AMOTL1: variants seen among roughly 807,000 people sequenced by gnomAD.
AMOTL1 encodes angiomotin like 1.
Under a neutral mutation model 102.9 loss-of-function variants are expected in AMOTL1, and 45 were observed. The ratio of observed to expected loss-of-function variants is 0.44; its 90% CI spans 0.34 to 0.56. The LOEUF (loss-of-function observed/expected upper bound fraction) is 0.56. AMOTL1 is among the 20% of genes least tolerant of loss of function. The pLI is 0.01. For missense variants in AMOTL1, 1,114 were observed against 1,225.6 expected (o/e 0.91, Z 1.36); for synonymous variants, 481 against 484.7 (o/e 0.99, Z 0.10).
intron 1 of AMOTL1, among the ~76,000 whole-genome samples, chr11:94,791,855 A>C (rs935375087): frequency 6.6e-6 from 1 of 152,216 alleles, no homozygotes; most frequent in Non-Finnish European, 1.5e-5. Flanking sequence ...CATTTTGCCT[A>C]AGAAAGTAGA....
intron 7 of AMOTL1, among the ~76,000 whole-genome samples, chr11:94,853,262 C>T (rs545691429): frequency 6.6e-6 from 1 of 152,294 alleles, no homozygotes; most frequent in African/African-American, 2.4e-5. Flanking sequence ...TTAAGCCCCA[C>T]ATGTATTAGC....
intron 2 of AMOTL1, chr11:94,796,890 A>G (rs1951377261): frequency 1.7e-6 from 1 of 585,548 alleles, no homozygotes; most frequent in Non-Finnish European, 2.2e-6. Flanking sequence ...ATATAGATGT[A>G]TTAATATACA....
chr11:94,807,110 C>A (rs1303499800), intron 3 of AMOTL1, among the ~76,000 whole-genome samples: 1 of 152,128 alleles, frequency 6.6e-6, no homozygotes, highest in African/African-American at 2.4e-5. Flanking sequence ...AAAACATATT[C>A]ATTGCACAAA....
chr11:94,828,401 C>T (rs1275487253), intron 4 of AMOTL1, among the ~76,000 whole-genome samples: 1 of 152,142 alleles, frequency 6.6e-6, no homozygotes, highest in Non-Finnish European at 1.5e-5. Flanking sequence ...TAAACCCCCA[C>T]CCTCCAACCC....
At chr11:94,810,672 G>C (rs532994731) in intron 3 of AMOTL1, among the ~76,000 whole-genome samples, 1 of 151,854 alleles carries the variant, frequency 6.6e-6, no homozygotes, top group Non-Finnish European at 1.5e-5. Context: ...AGGAATCCTG[G>C]GCTATTAGAA....
chr11:94,744,772 AGAT>A (rs1950570653), intron 3 of AMOTL1, among the ~76,000 whole-genome samples: 1 of 152,216 alleles, frequency 6.6e-6, no homozygotes, highest in Non-Finnish European at 1.5e-5. Flanking sequence ...AGAGAGCAAA[AGAT>A]GAAATTTTTC....
At chr11:94,824,256 T>G (rs1592003706) in intron 4 of AMOTL1, among the ~76,000 whole-genome samples, 1 of 152,166 alleles carries the variant, frequency 6.6e-6, no homozygotes, top group East Asian at 1.9e-4. Context: ...AGTCCTCACT[T>G]AATATCATCA....
intron 3 of AMOTL1, among the ~76,000 whole-genome samples, chr11:94,761,550 C>G (rs1385585102): frequency 6.6e-6 from 1 of 152,152 alleles, no homozygotes; most frequent in Non-Finnish European, 1.5e-5. Context: ...TTATTCCTCT[C>G]TCTCTCCCAA....
At chr11:94,760,256 C>T (rs1458057656) in intron 3 of AMOTL1, among the ~76,000 whole-genome samples, 1 of 152,184 alleles carries the variant, frequency 6.6e-6, no homozygotes, top group Non-Finnish European at 1.5e-5. Flanking sequence ...TGTTGTTTAT[C>T]CCAAACTGGC....
intron 3 of AMOTL1, among the ~76,000 whole-genome samples, chr11:94,749,131 GAAGCCATGGT>G (rs1950621832): frequency 6.6e-6 from 1 of 152,216 alleles, no homozygotes; most frequent in South Asian, 2.1e-4. Context: ...GGGAACCATG[GAAGCCATGGT>G]GAGCCTCAGT....
chr11:94,713,450 T>A (rs1950049429), intron 1 of AMOTL1, among the ~76,000 whole-genome samples: 2 of 151,910 alleles, frequency 1.3e-5, no homozygotes, highest in African/African-American at 4.8e-5. Flanking sequence ...CTGTTAGACA[T>A]GTAGTTTAAT....
At chr11:94,847,860 T>C (rs1250003528) in intron 6 of AMOTL1, among the ~76,000 whole-genome samples, 3 of 152,288 alleles carry the variant, frequency 2.0e-5, no homozygotes, top group African/African-American at 7.2e-5. Context: ...TTGCAGAACA[T>C]GAGAAGCTTT....
At chr11:94,812,618 G>T (rs948645980) in intron 3 of AMOTL1, among the ~76,000 whole-genome samples, 1 of 151,906 alleles carries the variant, frequency 6.6e-6, no homozygotes, top group South Asian at 2.1e-4. Flanking sequence ...ATAGTTTTTT[G>T]TTTTGTTTTG....
intron 3 of AMOTL1, among the ~76,000 whole-genome samples, chr11:94,750,101 T>G (rs1405568474): frequency 6.6e-6 from 1 of 152,188 alleles, no homozygotes; most frequent in Non-Finnish European, 1.5e-5. Flanking sequence ...CCCACAGTGG[T>G]ACCCCCAAAT....
intron 7 of AMOTL1, among the ~76,000 whole-genome samples, chr11:94,851,927 T>C (rs1952548133): frequency 6.6e-6 from 1 of 152,244 alleles, no homozygotes. Context: ...TATTTATTCA[T>C]TTAACAAATA....
rs73525856 is a variant in AMOTL1, at chr11:94,712,769, C to T, written c.-51+6172C>T. Among the ~76,000 whole-genome samples, 884 of 151,984 alleles carry T rather than the reference C, an allele frequency of 5.8e-3. 6 individuals are homozygous for T. The highest frequency in any genetic ancestry group is 0.02 in the African/African-American group (821 of 41,534). ...TAGATGTATGGTTTGCAGATATTCT[C>T]TCCCACTCTGTAATTTTTTATTCTA... On this transcript the variant is annotated intron_variant, in intron 1 of 4. Coordinates refer to the AMOTL1 transcript ENST00000299004.
intron 1 of AMOTL1, among the ~76,000 whole-genome samples, chr11:94,771,268 G>GA (rs140764771): frequency 5.1e-5 from 7 of 138,580 alleles, no homozygotes; most frequent in Non-Finnish European, 1.1e-4. Flanking sequence ...TTGGGGGGGG[G>GA]GTGCGGTGTG....
intron 3 of AMOTL1, chr11:94,741,138 G>T (rs1242644753): frequency 3.6e-6 from 2 of 554,516 alleles, no homozygotes; most frequent in Non-Finnish European, 6.0e-6. Context: ...TGCCTTCGCG[G>T]CCGGAACCGG....
In AMOTL1 at chr11:94,873,425, C is replaced by T. The variant is rs1421178235; in HGVS notation, c.*2630C>T. The stretch of plus-strand genomic sequence containing the variant: ...AGTCCGGCCATATACTGAGTACCTG[C>T]TCTGAGTTCTGGGCAGCTTACAATA... On this transcript the variant is annotated 3_prime_UTR_variant, in exon 13 of 13. Coordinates refer to ENST00000433060, the MANE Select transcript of AMOTL1 (RefSeq NM_130847.3). The T allele has an allele frequency of 2.6e-5, 4 of 152,232 alleles. No individual in the cohort carries two copies. Among genetic ancestry groups the T allele is most frequent in the Non-Finnish European group, 5.9e-5 (4 of 68,048 alleles). 9.4% of individuals were successfully genotyped at this position (152,232 alleles called of 1,614,324 possible). A position where few individuals can be genotyped will look rare whatever the true frequency, so the allele number is the denominator to read the frequency against.
Sources: allele counts gnomAD v4.1 joint callset (sites outside exome capture counted in the v4.1 genomes callset), GRCh38; gene constraint gnomAD v4.1.1; transcripts MANE v1.5; gene names NCBI Gene and HGNC (gene_info 2026-07-23, HGNC 2026-07-21).